The following SCML2 variants were observed in gnomAD, a reference collection of about 807,000 sequenced individuals.
SCML2 encodes sex comb on midleg-like protein 2.
In SCML2, 6 loss-of-function variants were observed where a neutral mutation model predicts 48.4. That is an observed-to-expected ratio of 0.12 (90% CI 0.07 to 0.24). The LOEUF is 0.24. Among genes scored for constraint, SCML2 ranks in the 10% least tolerant of loss-of-function variants. The pLI is 1.00. For missense variants in SCML2, 377 were observed against 528.2 expected (o/e 0.71, Z 2.81); for synonymous variants, 181 against 189.5 (o/e 0.95, Z 0.37).
intron 7 of SCML2, among the ~76,000 whole-genome samples, chrX:18,273,953 T>C (rs960353176): frequency 4.5e-5 from 5 of 110,713 alleles, no homozygotes; most frequent in African/African-American, 1.3e-4. Flanking sequence ...CCCTTTTCAA[T>C]TCCCCATCCC....
intron 1 of SCML2, among the ~76,000 whole-genome samples, chrX:18,343,748 G>A (rs1340581251): frequency 1.0e-4 from 9 of 87,287 alleles, no homozygotes; most frequent in Non-Finnish European, 1.7e-4. Context: ...GCGACAGAGC[G>A]AGACTCTGTC....
intron 1 of SCML2, among the ~76,000 whole-genome samples, chrX:18,351,400 T>C (rs1389536870): frequency 9.0e-6 from 1 of 111,460 alleles, no homozygotes; most frequent in African/African-American, 3.3e-5. Flanking sequence ...GGTTCTAAAA[T>C]TATTAGGGAT....
At chrX:18,343,533 G>A (rs1439601618) in intron 1 of SCML2, among the ~76,000 whole-genome samples, 2 of 110,231 alleles carry the variant, frequency 1.8e-5, no homozygotes, top group Non-Finnish European at 3.8e-5. Context: ...GGCCAACGCA[G>A]GTGGATCACG....
At chrX:18,270,826 A>T (rs1192503033) in intron 7 of SCML2, among the ~76,000 whole-genome samples, 1 of 111,281 alleles carries the variant, frequency 9.0e-6, no homozygotes, top group Admixed American at 9.6e-5. Flanking sequence ...TGAACACACA[A>T]ACTTTGTGTG....
intron 3 of SCML2, among the ~76,000 whole-genome samples, chrX:18,327,463 A>G (rs147321741): frequency 3.2e-3 from 358 of 112,196 alleles, no homozygotes; most frequent in African/African-American, 0.011. Flanking sequence ...AAATAGTGTA[A>G]GTCAGAAATA....
intron 7 of SCML2, among the ~76,000 whole-genome samples, chrX:18,269,263 G>C (rs1465729839): frequency 2.7e-5 from 3 of 111,651 alleles, no homozygotes; most frequent in East Asian, 5.6e-4. Context: ...GGAGAGACCA[G>C]GTGGAGGAAA....
intron 7 of SCML2, among the ~76,000 whole-genome samples, chrX:18,279,078 A>AG (rs1306333447): frequency 8.9e-6 from 1 of 112,570 alleles, no homozygotes; most frequent in East Asian, 2.8e-4. Context: ...CAGTCATCAG[A>AG]GGGGGCTCCC....
At position 18,242,503 on chromosome X, in the gene SCML2, A is replaced by G. The variant is rs1262882884; in HGVS notation, c.1910T>C (p.Ile637Thr). 3 of 1,207,359 alleles carry G rather than the reference A, an allele frequency of 2.5e-6. No homozygotes were observed. Among genetic ancestry groups the G allele is most frequent in the Non-Finnish European group, 3.4e-6 (3 of 894,342 alleles). Residue 637 changes from isoleucine (I) to threonine (T), a missense_variant, in exon 14 of 15, where the codon ATA becomes ACA. Ile to Thr is a moderately conservative substitution (Grantham distance 89). Coordinates refer to ENST00000251900, the MANE Select transcript of SCML2 (RefSeq NM_006089.3). ...AGGATCTGTATGTTTCATAAACTGT[A>G]TCACTTCATCCACAGACCAGGTTGA... ...DPSTWSVDEV[I>T]QFMKHTDPQI... is the part of the protein sequence containing the mutation.
At chrX:18,328,356 C>A (rs762872810) in intron 3 of SCML2, among the ~76,000 whole-genome samples, 3 of 111,567 alleles carry the variant, frequency 2.7e-5, no homozygotes, top group Non-Finnish European at 5.6e-5. Context: ...CTGTTAATTT[C>A]TATCTTGCCC....
At chrX:18,271,427 G>A (rs1927454738) in intron 7 of SCML2, among the ~76,000 whole-genome samples, 1 of 109,332 alleles carries the variant, frequency 9.1e-6, no homozygotes, top group South Asian at 4.1e-4. Flanking sequence ...TCACTCCCAA[G>A]TCAAGATGCA....
upstream of SCML2, among the ~76,000 whole-genome samples, chrX:18,354,879 G>C (rs1167092841): frequency 1.8e-5 from 2 of 112,244 alleles, no homozygotes; most frequent in Non-Finnish European, 3.8e-5. Flanking sequence ...GAAAGCCCTT[G>C]GCACTTTGCC....
In SCML2 at chrX:18,305,177, C is replaced by G; in HGVS notation, c.525G>C (p.Gly175=). 1.7e-6 allele frequency: 2 copies of G among 1,206,182 alleles called. No homozygotes were observed. Among genetic ancestry groups the G allele is most frequent in the Non-Finnish European group, 2.2e-6 (2 of 892,699 alleles). ...PKPPLNNFKV[G]MKLEAIDKKN... is the part of the protein sequence containing the mutation. ...TTTTGTCAATAGCTTCCAGTTTCAT[C>G]CCCACTTTAAAATTATTTAGTGGGG... Residue 175 remains glycine, a synonymous_variant, in exon 7 of 15, where the codon GGG becomes GGC. Coordinates refer to ENST00000251900, the MANE Select transcript of SCML2 (RefSeq NM_006089.3).
chrX:18,343,549 AG>A (rs1930089529), intron 1 of SCML2, among the ~76,000 whole-genome samples: 1 of 110,065 alleles, frequency 9.1e-6, no homozygotes, highest in South Asian at 3.8e-4. Context: ...TCACGAGGTC[AG>A]GAGATCAAGA....
intron 10 of SCML2, 41 bp downstream of exon 10, chrX:18,258,003 G>C (rs1926922390): frequency 1.1e-6 from 1 of 933,951 alleles, no homozygotes; most frequent in Non-Finnish European, 1.5e-6. Context: ...GGAAGGGAAG[G>C]GGGAAGGGAC....
At chrX:18,290,174 T>C (rs1272133502) in intron 7 of SCML2, among the ~76,000 whole-genome samples, 3 of 111,894 alleles carry the variant, frequency 2.7e-5, no homozygotes, top group Non-Finnish European at 3.8e-5. Flanking sequence ...AAGGTCTATT[T>C]AAGTAAGTTG....
intron 6 of SCML2, among the ~76,000 whole-genome samples, chrX:18,312,779 G>C (rs768533923): frequency 4.5e-5 from 5 of 111,634 alleles, no homozygotes; most frequent in Non-Finnish European, 7.5e-5. Flanking sequence ...AGACATCCAA[G>C]TGGAGATGTA....
chrX:18,341,673 C>T (rs187854530), intron 1 of SCML2, among the ~76,000 whole-genome samples: 296 of 110,844 alleles, frequency 2.7e-3, no homozygotes, highest in Non-Finnish European at 4.4e-3. Flanking sequence ...AAAAGGAAAA[C>T]ACTTGGGTTA....
At chrX:18,251,309 CAAAAAAAAAAAAAAA>C (rs750658948) in intron 11 of SCML2, among the ~76,000 whole-genome samples, 3 of 6,772 alleles carry the variant, frequency 4.4e-4, no homozygotes, top group South Asian at 4.1e-3. Context: ...GATTCCATTG[CAAAAAAAAAAAAAAA>C]AAAAAAAAAA....
At chrX:18,334,223 G>A in intron 1 of SCML2, 128 bp from the exon 2 acceptor site, 4 of 422,620 alleles carry the variant, frequency 9.5e-6, no homozygotes, top group Non-Finnish European at 1.6e-5. Context: ...ATTTGTATAT[G>A]CCTAGTTGCC....
Sources: gnomAD v4.1 joint callset for allele counts (sites outside exome capture counted in the v4.1 genomes callset) on GRCh38, gnomAD v4.1.1 for gene constraint, MANE v1.5 for transcripts, NCBI Gene and HGNC (gene_info 2026-07-23, HGNC 2026-07-21) for gene names.